The following FAM83B variants were observed in gnomAD, a reference collection of about 807,000 sequenced individuals.
The protein encoded by FAM83B is scaffolding CK1 anchoring protein B, also known as protein FAM83B.
Under a neutral mutation model 38.8 loss-of-function variants are expected in FAM83B, and 26 were observed. The observed-to-expected ratio is 0.67, with a 90% CI of 0.49 to 0.93. The LOEUF (loss-of-function observed/expected upper bound fraction) is 0.93, where lower values mean the gene tolerates loss of function less well. Ranked by LOEUF, FAM83B falls within the 40% of genes least tolerant of loss-of-function variation. The pLI is 0.00. For synonymous variants in FAM83B, 419 were observed against 423.1 expected (o/e 0.99, Z 0.12); for missense variants, 1,237 against 1,197.3 (o/e 1.03, Z -0.49).
At chr6:54,890,939 T>TG (rs1772387145) in intron 2 of FAM83B, among the ~76,000 whole-genome samples, 1 of 151,308 alleles carries the variant, frequency 6.6e-6, no homozygotes, top group African/African-American at 2.4e-5. Context: ...ACTTCTAATT[T>TG]GCTTTCTTCA....
intron 2 of FAM83B, among the ~76,000 whole-genome samples, chr6:54,892,496 C>T (rs996110250): frequency 5.9e-5 from 9 of 151,824 alleles, no homozygotes; most frequent in African/African-American, 2.2e-4. Flanking sequence ...TCATTTAGCT[C>T]CCACTTATAA....
chr6:54,921,380 T>C (rs1773163773), intron 2 of FAM83B, among the ~76,000 whole-genome samples: 2 of 151,454 alleles, frequency 1.3e-5, no homozygotes, highest in Admixed American at 6.6e-5. Flanking sequence ...CTGGGTCACT[T>C]TGGGAAAATT....
At chr6:54,909,214 G>A (rs557715929) in intron 2 of FAM83B, among the ~76,000 whole-genome samples, 20 of 152,146 alleles carry the variant, frequency 1.3e-4, no homozygotes, top group African/African-American at 3.6e-4. Flanking sequence ...AATATATGGC[G>A]GGTGACCTTT....
At chr6:54,867,095 T>C (rs979453648) in intron 1 of FAM83B, among the ~76,000 whole-genome samples, 7 of 151,784 alleles carry the variant, frequency 4.6e-5, no homozygotes, top group Non-Finnish European at 2.9e-5. Flanking sequence ...TTTTTTTTTT[T>C]CTCTACTCAT....
At chr6:54,852,612 T>A (rs1301004423) in intron 1 of FAM83B, among the ~76,000 whole-genome samples, 1 of 152,198 alleles carries the variant, frequency 6.6e-6, no homozygotes, top group Non-Finnish European at 1.5e-5. Flanking sequence ...TCATTTTAAA[T>A]CAAAAGCTAG....
At chr6:54,886,846 A>T (rs543234062) in intron 2 of FAM83B, among the ~76,000 whole-genome samples, 2 of 151,766 alleles carry the variant, frequency 1.3e-5, no homozygotes, top group Non-Finnish European at 2.9e-5. Flanking sequence ...TTGGAAAATA[A>T]TTTTTTCTTT....
intron 1 of FAM83B, among the ~76,000 whole-genome samples, 195 bp from the exon 2 acceptor site, chr6:54,869,992 A>T (rs561837702): frequency 6.6e-6 from 1 of 152,262 alleles, no homozygotes; most frequent in African/African-American, 2.4e-5. Flanking sequence ...TCTGTAAGGG[A>T]AATCTGTGTA....
intron 4 of FAM83B, among the ~76,000 whole-genome samples, chr6:54,930,914 CT>C (rs1183252762): frequency 1.3e-5 from 2 of 151,898 alleles, no homozygotes; most frequent in African/African-American, 4.8e-5. Context: ...GATATTTTTG[CT>C]TTTTTAATAT....
intron 1 of FAM83B, among the ~76,000 whole-genome samples, chr6:54,858,241 A>T (rs1771490061): frequency 6.6e-6 from 1 of 152,234 alleles, no homozygotes; most frequent in Non-Finnish European, 1.5e-5. Flanking sequence ...AATGATTTTC[A>T]GATACCATTG....
At chr6:54,867,038 T>C (rs1345099744) in intron 1 of FAM83B, among the ~76,000 whole-genome samples, 2 of 151,862 alleles carry the variant, frequency 1.3e-5, no homozygotes, top group Non-Finnish European at 2.9e-5. Context: ...CATTTAACTG[T>C]TAGATAAGCC....
rs146058045 is a variant in FAM83B at position 54,884,817 on chromosome 6, T to G, written c.444+14127T>G. 4.6e-4 allele frequency among the ~76,000 whole-genome samples: 70 copies of G among 151,016 alleles called. No homozygotes were observed. The East Asian group carries it at 0.012, about 27-fold the overall frequency. On this transcript the variant is annotated intron_variant, in intron 2 of 4. Transcript: ENST00000306858. ...AAACGGAGTCTAGCTCTGTCGCCCA[T>G]GCTGGAGTGCAGTGGTGAGATCTGG...
intron 2 of FAM83B, among the ~76,000 whole-genome samples, chr6:54,875,440 G>A (rs948423693): frequency 3.9e-5 from 6 of 151,970 alleles, no homozygotes; most frequent in Admixed American, 3.9e-4. Context: ...AACTCTCACC[G>A]TGAATTTTGT....
At chr6:54,890,833 TC>T (rs1396385702) in intron 2 of FAM83B, among the ~76,000 whole-genome samples, 1 of 152,132 alleles carries the variant, frequency 6.6e-6, no homozygotes, top group African/African-American at 2.4e-5. Context: ...TTGTTCTCTT[TC>T]CCTCAACAAA....
intron 2 of FAM83B, among the ~76,000 whole-genome samples, chr6:54,903,242 A>G (rs1772702414): frequency 1.3e-5 from 2 of 152,198 alleles, no homozygotes; most frequent in African/African-American, 2.4e-5. Context: ...GTAAGTGTAG[A>G]GAGTGTAGTG....
intron 2 of FAM83B, among the ~76,000 whole-genome samples, chr6:54,887,715 ATAAC>A (rs55759646): frequency 0.089 from 13,470 of 151,934 alleles, 723 homozygotes; most frequent in African/African-American, 0.14. Context: ...TTGAAATTAC[ATAAC>A]TATTTAACTT....
intron 2 of FAM83B, among the ~76,000 whole-genome samples, chr6:54,907,149 A>G (rs954567172): frequency 1.3e-5 from 2 of 152,214 alleles, no homozygotes; most frequent in Non-Finnish European, 2.9e-5. Context: ...ACTGTAAAAT[A>G]AAACAGATGC....
rs111542911 is a variant in FAM83B at position 54,862,111 on chromosome 6, G to A, written c.-60-8076G>A. Among the ~76,000 whole-genome samples the A allele has an allele frequency of 5.0e-3, 757 of 152,272 alleles. 11 individuals carry two copies. The highest frequency in any genetic ancestry group is 0.016 in the African/African-American group (683 of 41,564). On this transcript the variant is annotated intron_variant, in intron 1 of 4. Transcript: ENST00000306858. Reference sequence around the variant, plus strand: ...ATGGGTTTGTTTTCGTATTCCAGCCGTTGTACTCAGGCACCAGTTTCCCCA... The same window carrying A: ...ATGGGTTTGTTTTCGTATTCCAGCCATTGTACTCAGGCACCAGTTTCCCCA...
chr6:54,912,663 A>G (rs1049818232), intron 2 of FAM83B, among the ~76,000 whole-genome samples: 3 of 151,968 alleles, frequency 2.0e-5, no homozygotes, highest in African/African-American at 7.2e-5. Context: ...TTCAGTTAGT[A>G]TTCTAAGTAA....
In FAM83B at chr6:54,941,629, C is replaced by A; in HGVS notation, c.2658C>A (p.Ala886=). The A allele has an allele frequency of 2.5e-6, 4 of 1,614,004 alleles. No homozygotes were observed. Among genetic ancestry groups the A allele is most frequent in the Non-Finnish European group, 3.4e-6 (4 of 1,179,994 alleles). The stretch of plus-strand genomic sequence containing the variant: ...TGGAAAGGGCAGGAGATGCCTCTGC[C>A]CCAAGATTTAACACTGAACAGATCC... ...KFLERAGDAS[A]PRFNTEQIQY... The change falls in exon 5 of 5, where the codon GCC becomes GCA. Residue 886 remains alanine, a synonymous_variant. Transcript: ENST00000306858.
Sources: gnomAD v4.1 joint callset for allele counts (sites outside exome capture counted in the v4.1 genomes callset) on GRCh38, gnomAD v4.1.1 for gene constraint, MANE v1.5 for transcripts, NCBI Gene and HGNC (gene_info 2026-07-23, HGNC 2026-07-21) for gene names.